PCDHGB1: variants seen among roughly 807,000 people sequenced by gnomAD.
PCDHGB1 encodes the protein protocadherin gamma-B1.
A neutral mutation model predicts 56.6 loss-of-function variants in PCDHGB1; 34 were observed. The observed-to-expected ratio is 0.60, with a 90% CI of 0.46 to 0.80. The LOEUF is 0.80. PCDHGB1 is among the 30% of genes least tolerant of loss of function. The pLI, the probability that PCDHGB1 is intolerant of heterozygous loss-of-function variation, is 0.00. For synonymous variants in PCDHGB1, 561 were observed against 505.9 expected (o/e 1.11, Z -1.46); for missense variants, 1,278 against 1,204.6 (o/e 1.06, Z -0.90).
At position 141,379,404 on chromosome 5, in the gene PCDHGB1, G is replaced by C. The variant is rs146281241; in HGVS notation, c.2409+26735G>C. ...ACAATTTTAAACAACTTGAATCTTGGATATTAGTCTCATGAGTTAGATGGG... is the reference window on the plus strand; with the variant it reads ...ACAATTTTAAACAACTTGAATCTTGCATATTAGTCTCATGAGTTAGATGGG... On this transcript the variant is annotated intron_variant, in intron 1 of 3. Coordinates refer to ENST00000523390, the MANE Select transcript of PCDHGB1 (RefSeq NM_018922.3). 549 of 152,154 alleles carry C rather than the reference G, an allele frequency of 3.6e-3. 6 individuals are homozygous for C. Among genetic ancestry groups the C allele is most frequent in the African/African-American group, 0.012 (518 of 41,502 alleles). 9.4% of individuals were successfully genotyped at this position (152,154 alleles called of 1,614,324 possible). A position where few individuals can be genotyped will look rare whatever the true frequency, so the allele number is the denominator to read the frequency against.
Position 141,466,657 on chromosome 5 carries a change from C to T in PCDHGB1, c.2410-28150C>T, listed in dbSNP as rs143657719. Among the ~76,000 whole-genome samples the T allele has an allele frequency of 1.4e-3, 211 of 152,280 alleles. 1 individual carries two copies. The highest frequency in any genetic ancestry group is 4.7e-3 in the African/African-American group (197 of 41,542). On this transcript the variant is annotated intron_variant, in intron 1 of 3. Transcript: ENST00000523390. ...TCTCCATAAACTTTTCACAAAACAT[C>T]AGTGATTTCACCGTTCTTCCACTCA...
chr5:141,409,669 C>A, intron 1 of PCDHGB1: 1 of 1,613,528 alleles, frequency 6.2e-7, no homozygotes, highest in Non-Finnish European at 8.5e-7. Context: ...ACATCTCCTA[C>A]TCTATAGTGG....
intron 1 of PCDHGB1, among the ~76,000 whole-genome samples, chr5:141,363,685 C>T (rs1188372642): frequency 2.6e-5 from 4 of 152,198 alleles, no homozygotes; most frequent in Admixed American, 2.6e-4. Context: ...GCTAATATAA[C>T]TTACATAAAT....
rs1215626157 is a variant in PCDHGB1, at chr5:141,487,804, GT to G, written c.2410-7000del. ...TCGTGAATTAACCAGAGTTGTCACAGTTTAGCATTGGGGGCGGGTCATGCCT... is the reference window on the plus strand; with the variant it reads ...TCGTGAATTAACCAGAGTTGTCACAGTTAGCATTGGGGGCGGGTCATGCCT... On this transcript the variant is annotated intron_variant, in intron 1 of 3. Transcript: ENST00000523390. The surrounding 1 kb of genome is among the most constrained non-coding windows in gnomAD (Gnocchi z 5.0). 15 of 1,451,846 alleles carry G rather than the reference GT, an allele frequency of 1.0e-5. No homozygotes were observed. The highest frequency in any genetic ancestry group is 1.3e-5 in the Non-Finnish European group (14 of 1,072,382). 89.9% of individuals were successfully genotyped at this position (1,451,846 alleles called of 1,614,324 possible).
chr5:141,399,173 T>C, intron 1 of PCDHGB1: 1 of 1,613,830 alleles, frequency 6.2e-7, no homozygotes, highest in East Asian at 2.2e-5. Context: ...CATTCTCTAC[T>C]TGAAATGATT....
chr5:141,402,855 T>G, intron 1 of PCDHGB1: 1 of 1,425,070 alleles, frequency 7.0e-7, no homozygotes, highest in Non-Finnish European at 9.2e-7. Flanking sequence ...CTCTTTCTTC[T>G]AAGGAAAAGA....
At chr5:141,360,775 G>T in intron 1 of PCDHGB1, 1 of 1,613,924 alleles carries the variant, frequency 6.2e-7, no homozygotes, top group South Asian at 1.1e-5. Flanking sequence ...GGTCCTCACA[G>T]CTGTGGATGG....
Position 141,350,513 on chromosome 5 carries a change from G to A in PCDHGB1, c.253G>A (p.Gly85Ser), listed in dbSNP as rs750772635. 45 of 1,613,992 alleles carry A rather than the reference G, an allele frequency of 2.8e-5. 1 individual carries two copies. The South Asian group carries it at 4.3e-4, about 15-fold the overall frequency. ...GGAGAGCGGGGATTTGTTAGTGAAC[G>A]GTAGGATAGATCGAGAGAAGATTTG... Reference protein sequence around the residue: ...SLESGDLLVNGRIDREKICGR... With the variant: ...SLESGDLLVNSRIDREKICGR... Residue 85 changes from glycine (G) to serine (S), a missense_variant, in exon 1 of 4, where the codon GGT becomes AGT. Coordinates refer to ENST00000523390, the MANE Select transcript of PCDHGB1 (RefSeq NM_018922.3).
In PCDHGB1 at chr5:141,350,943, G is replaced by C. The variant is rs542251559; in HGVS notation, c.683G>C (p.Arg228Pro). The C allele has an allele frequency of 3.7e-6, 6 of 1,614,070 alleles. No homozygotes were observed. In the African/African-American group the frequency reaches 5.3e-5, roughly 14 times the overall value. Residue 228 changes from arginine (R) to proline (P), a missense_variant, in exon 1 of 4, where the codon CGA becomes CCA. Transcript: ENST00000523390. ...PLSGTTHIWI[R>P]VTDANDNAPV... is the part of the protein sequence containing the mutation. ...AGCGGCACCACCCATATCTGGATCC[G>C]AGTTACGGATGCCAATGATAATGCT...
At chr5:141,374,428 T>A in intron 1 of PCDHGB1, 16 of 1,613,952 alleles carry the variant, frequency 9.9e-6, no homozygotes, top group Non-Finnish European at 1.4e-5. Context: ...ATAAACTGAA[T>A]CTTTATCCCG....
In PCDHGB1 at chr5:141,493,103, A is replaced by G. The variant is rs1396614836; in HGVS notation, c.2410-1704A>G. Among the ~76,000 whole-genome samples the G allele has an allele frequency of 6.6e-6, 1 of 152,086 alleles. No homozygotes were observed. The highest frequency in any genetic ancestry group is 1.5e-5 in the Non-Finnish European group (1 of 68,022). On this transcript the variant is annotated intron_variant, in intron 1 of 3. Transcript: ENST00000523390. The surrounding 1 kb of genome is among the most constrained non-coding windows in gnomAD (Gnocchi z 4.3). ...AGGAGCTTTTATTCAAAATATATCA[A>G]TGCCTAACTCTGCTCCTAGGACTGT...
intron 1 of PCDHGB1, among the ~76,000 whole-genome samples, chr5:141,373,744 G>A (rs10061034): frequency 6.6e-6 from 1 of 152,096 alleles, no homozygotes; most frequent in Admixed American, 6.5e-5. Context: ...TCATTATCTT[G>A]GGGAGGGAAA....
chr5:141,448,449 T>A (rs528049717), intron 1 of PCDHGB1, among the ~76,000 whole-genome samples: 1 of 152,166 alleles, frequency 6.6e-6, no homozygotes, highest in Non-Finnish European at 1.5e-5. Context: ...CTGACTTCCA[T>A]CCCTATCCTA....
chr5:141,355,835 T>A (rs971104967), intron 1 of PCDHGB1: 1 of 1,612,476 alleles, frequency 6.2e-7, no homozygotes, highest in Non-Finnish European at 8.5e-7. Context: ...CACCTCGTTC[T>A]CACGGCCTTC....
intron 1 of PCDHGB1, chr5:141,383,853 G>C (rs942698942): frequency 1.2e-6 from 2 of 1,613,948 alleles, no homozygotes; most frequent in Middle Eastern, 3.3e-4. Flanking sequence ...ATGAAATGGA[G>C]GTTCAGGCTC....
At position 141,413,764 on chromosome 5, in the gene PCDHGB1, G is replaced by A. The variant is rs749419039; in HGVS notation, c.2409+61095G>A. 28 of 1,612,716 alleles carry A rather than the reference G, an allele frequency of 1.7e-5. No individual in the cohort carries two copies. Among genetic ancestry groups the A allele is most frequent in the Non-Finnish European group, 2.2e-5 (26 of 1,179,878 alleles). On this transcript the variant is annotated intron_variant, in intron 1 of 3. Coordinates refer to ENST00000523390, the MANE Select transcript of PCDHGB1 (RefSeq NM_018922.3). ...CCGTGCCAATGGCGTCAAGTACCCG[G>A]AGCTGGTACTGGAGCACTCCCTAGA... is the stretch of plus-strand genomic sequence containing the variant.
intron 1 of PCDHGB1, among the ~76,000 whole-genome samples, chr5:141,462,117 C>G (rs965365318): frequency 6.6e-6 from 1 of 152,170 alleles, no homozygotes; most frequent in African/African-American, 2.4e-5. Flanking sequence ...GCCACTGCAC[C>G]CAGTCCAATT....
chr5:141,356,126 A>T (rs751862164), intron 1 of PCDHGB1: 1 of 1,613,926 alleles, frequency 6.2e-7, no homozygotes. Context: ...GGTCTAGATT[A>T]TGAGGACTCT....
At chr5:141,397,896 C>G (rs371654961) in intron 1 of PCDHGB1, 48 of 650,728 alleles carry the variant, frequency 7.4e-5, no homozygotes, top group African/African-American at 2.0e-4. Flanking sequence ...GGCCAAAGTG[C>G]AGAGCTTGGC....
Sources: allele counts gnomAD v4.1 joint callset (sites outside exome capture counted in the v4.1 genomes callset), GRCh38; gene constraint gnomAD v4.1.1; non-coding constraint Gnocchi (gnomAD v3.1); transcripts MANE v1.5; gene names NCBI Gene and HGNC (gene_info 2026-07-23, HGNC 2026-07-21).